PPEF1: variants seen among roughly 807,000 people sequenced by gnomAD.
The protein encoded by PPEF1 is serine/threonine-protein phosphatase with EF-hands 1.
In PPEF1, 12 loss-of-function variants were observed where a neutral mutation model predicts 53.3. The observed-to-expected ratio is 0.23, with a 90% CI of 0.14 to 0.36. PPEF1 has a LOEUF of 0.36. Ranked by LOEUF, PPEF1 falls within the 10% of genes least tolerant of loss-of-function variation. The pLI, the probability that PPEF1 is intolerant of heterozygous loss-of-function variation, is 1.00. For synonymous variants in PPEF1, 165 were observed against 176.7 expected, an observed-to-expected ratio of 0.93 and a Z score of 0.52; for missense variants, 334 against 490.4, an observed-to-expected ratio of 0.68 and a Z score of 3.01.
intron 1 of PPEF1, among the ~76,000 whole-genome samples, chrX:18,683,897 C>A (rs1050128345): frequency 8.9e-6 from 1 of 111,999 alleles, no homozygotes; most frequent in African/African-American, 3.2e-5. Context: ...GGGTCCCAGC[C>A]CCAGATTCCC....
chrX:18,806,512 C>T lies in PPEF1; in HGVS notation c.1361C>T (p.Thr454Ile). ...TTPRFFQYQV[T>I]KATCFQPLRQ... ...CCTCGATTTTTCCAGTACCAAGTAA[C>T]TAAAGCAACGTGCTTTCAGCCTCTT... Residue 454 changes from threonine to isoleucine, a missense_variant, in exon 12 of 16, where the codon ACT becomes ATT. Physicochemically the swap from Thr to Ile is moderately conservative, Grantham distance 89 (BLOSUM62 -1). Transcript: ENST00000470157. 2 of 1,208,172 alleles carry T rather than the reference C, an allele frequency of 1.7e-6. No homozygotes were observed. The highest frequency in any genetic ancestry group is 1.8e-5 in the African/African-American group (1 of 57,048).
intron 6 of PPEF1, among the ~76,000 whole-genome samples, chrX:18,775,211 C>G (rs758763567): frequency 4.0e-5 from 2 of 50,166 alleles, no homozygotes; most frequent in Non-Finnish European, 6.6e-5. Context: ...TAACCCATTG[C>G]TTTTTTTTTT....
At chrX:18,685,703 AG>A (rs746364460) in intron 2 of PPEF1, among the ~76,000 whole-genome samples, 42 of 100,237 alleles carry the variant, frequency 4.2e-4, no homozygotes, top group African/African-American at 1.7e-3. Context: ...AAAAAAAAAA[AG>A]AAAAAAAAGC....
chrX:18,797,788 G>A (rs1210108430), intron 10 of PPEF1, among the ~76,000 whole-genome samples: 3 of 111,266 alleles, frequency 2.7e-5, no homozygotes, highest in Non-Finnish European at 5.6e-5. Context: ...TGCAAGCTCC[G>A]CCTCCCGGGC....
chrX:18,716,252 G>A (rs1303695376), intron 1 of PPEF1, among the ~76,000 whole-genome samples: 12 of 111,609 alleles, frequency 1.1e-4, no homozygotes, highest in African/African-American at 2.9e-4. Context: ...TCAAACAATC[G>A]CCAGGCGCGG....
chrX:18,807,004 G>T (rs1036912070), intron 12 of PPEF1, among the ~76,000 whole-genome samples: 8 of 47,324 alleles, frequency 1.7e-4, no homozygotes, highest in East Asian at 7.8e-4. Context: ...GTTTTTTTTG[G>T]TTTTTTTTTT....
intron 9 of PPEF1, among the ~76,000 whole-genome samples, chrX:18,788,050 C>T (rs1364229941): frequency 1.8e-5 from 2 of 112,157 alleles, no homozygotes; most frequent in East Asian, 2.8e-4. Context: ...GGTGCAGTGG[C>T]TCACGCCTGT....
intron 6 of PPEF1, among the ~76,000 whole-genome samples, chrX:18,775,999 G>A (rs2045958768): frequency 9.0e-6 from 1 of 111,711 alleles, no homozygotes; most frequent in African/African-American, 3.3e-5. Flanking sequence ...TTAATCAAGT[G>A]TCCACCATCC....
intron 3 of PPEF1, among the ~76,000 whole-genome samples, chrX:18,688,381 G>A (rs1371247132): frequency 8.9e-6 from 1 of 112,503 alleles, no homozygotes; most frequent in South Asian, 3.6e-4. Context: ...CAGAGCTTCC[G>A]TCAGAAAATG....
At chrX:18,766,121 A>G (rs924441996) in intron 6 of PPEF1, among the ~76,000 whole-genome samples, 4 of 109,627 alleles carry the variant, frequency 3.6e-5, no homozygotes, top group Non-Finnish European at 5.7e-5. Flanking sequence ...CTGGAAAGGT[A>G]GTGTACTTAA....
At chrX:18,786,408 T>C (rs765693136) in intron 9 of PPEF1, among the ~76,000 whole-genome samples, 238 of 111,862 alleles carry the variant, frequency 2.1e-3, no homozygotes, top group Admixed American at 3.6e-3. Context: ...TTCTAATCCT[T>C]GGTTTCCACA....
intron 9 of PPEF1, among the ~76,000 whole-genome samples, chrX:18,788,130 C>T (rs975553254): frequency 1.8e-5 from 2 of 110,363 alleles, no homozygotes; most frequent in Non-Finnish European, 3.8e-5. Context: ...TCCTGGCTAA[C>T]ACGGTGACAC....
chrX:18,811,671 G>A (rs907932412), intron 12 of PPEF1, among the ~76,000 whole-genome samples: 5 of 98,532 alleles, frequency 5.1e-5, no homozygotes, highest in Non-Finnish European at 6.0e-5. Context: ...AGGCAAAGGC[G>A]ATCATGGCTC....
rs1440908793 is a variant in PPEF1 at position 18,745,140 on chromosome X, ATATATATTATATATTATAATATAAT to A, written c.236-4639_236-4615del. Among the ~76,000 whole-genome samples the A allele has an allele frequency of 3.2e-5, 3 of 93,876 alleles. No homozygotes were observed. In the Admixed American group the frequency reaches 4.1e-4, roughly 13 times the overall value. The allele number at this position is 93,876 out of a possible 115,157, so 81.5% of individuals were successfully genotyped here. A position where few individuals can be genotyped will look rare whatever the true frequency, so the allele number is the denominator to read the frequency against. On this transcript the variant is annotated intron_variant, in intron 3 of 15. Coordinates refer to ENST00000470157, the MANE Select transcript of PPEF1 (RefSeq NM_001377996.1). ...ATTATATATATTATATAATTATATT[ATATATATTATATATTATAATATAAT>A]TATATATTATATTATATTCCATATA...
At chrX:18,784,106 T>A in intron 9 of PPEF1, 58 bp downstream of exon 9, 1 of 980,469 alleles carries the variant, frequency 1.0e-6, no homozygotes, top group Non-Finnish European at 1.4e-6. Flanking sequence ...AATACATACC[T>A]CTTCATTTAT....
intron 10 of PPEF1, among the ~76,000 whole-genome samples, chrX:18,791,288 A>G (rs540602488): frequency 3.8e-4 from 42 of 111,734 alleles, no homozygotes; most frequent in African/African-American, 1.3e-3. Flanking sequence ...CAGCTGGGAT[A>G]TTGGTAGGGT....
upstream of PPEF1, among the ~76,000 whole-genome samples, chrX:18,706,310 C>T (rs1343012856): frequency 9.2e-6 from 1 of 108,301 alleles, no homozygotes; most frequent in Non-Finnish European, 1.9e-5. Context: ...TAAAAAGTGA[C>T]GTGACAGTAT....
chrX:18,759,236 A>G (rs1275027585), intron 5 of PPEF1, among the ~76,000 whole-genome samples: 3 of 111,392 alleles, frequency 2.7e-5, no homozygotes, highest in Non-Finnish European at 5.6e-5. Flanking sequence ...TTTTCTTAAC[A>G]TGGGAATATT....
At chrX:18,676,927 C>A (rs375308583) in intron 1 of PPEF1, among the ~76,000 whole-genome samples, 4 of 111,367 alleles carry the variant, frequency 3.6e-5, no homozygotes, top group African/African-American at 1.3e-4. Flanking sequence ...CTGTTGCATG[C>A]GACACAGGTA....
Sources: allele counts gnomAD v4.1 joint callset (sites outside exome capture counted in the v4.1 genomes callset), GRCh38; gene constraint gnomAD v4.1.1; transcripts MANE v1.5; gene names NCBI Gene and HGNC (gene_info 2026-07-23, HGNC 2026-07-21).